Variants in NAALADL2 observed in about 807,000 individuals in gnomAD.
The protein encoded by NAALADL2 is N-acetylated alpha-linked acidic dipeptidase like 2, also known as inactive N-acetylated-alpha-linked acidic dipeptidase-like protein 2.
In NAALADL2, 76 loss-of-function variants were observed where a neutral mutation model predicts 87.2. The observed-to-expected ratio is 0.87, with a 90% CI of 0.72 to 1.05. The LOEUF (loss-of-function observed/expected upper bound fraction) is 1.05. Ranked by LOEUF, NAALADL2 falls within the 50% of genes least tolerant of loss-of-function variation. The pLI is 0.00. For synonymous variants in NAALADL2, 354 were observed against 331.0 expected, an observed-to-expected ratio of 1.07 and a Z score of -0.75; for missense variants, 1,089 against 945.8, an observed-to-expected ratio of 1.15 and a Z score of -1.99.
At chr3:174,982,113 C>T (rs990011662) in intron 1 of NAALADL2, among the ~76,000 whole-genome samples, 18 of 152,190 alleles carry the variant, frequency 1.2e-4, no homozygotes, top group African/African-American at 4.1e-4. Context: ...GTGTCTACAA[C>T]ATACAACCAG....
At chr3:174,894,017 T>C (rs935669063) in intron 1 of NAALADL2, among the ~76,000 whole-genome samples, 3 of 152,126 alleles carry the variant, frequency 2.0e-5, no homozygotes, top group Non-Finnish European at 2.9e-5. Flanking sequence ...AATAAAGATA[T>C]TTCTTGTCAA....
At chr3:175,717,891 C>T (rs1447231393) in intron 11 of NAALADL2, among the ~76,000 whole-genome samples, 3 of 148,214 alleles carry the variant, frequency 2.0e-5, no homozygotes, top group African/African-American at 5.0e-5. Context: ...CCCACCGCAA[C>T]CTTCACCTCC....
intron 1 of NAALADL2, among the ~76,000 whole-genome samples, chr3:174,950,092 A>G (rs1740094385): frequency 6.6e-6 from 1 of 152,162 alleles, no homozygotes; most frequent in African/African-American, 2.4e-5. Flanking sequence ...AAAACAATCA[A>G]TGACAACAAA....
rs71162402 is a variant in NAALADL2, at chr3:174,667,545, G to GTTTTTTTTTTTT, written c.-114-70090_-114-70079dup. Among the ~76,000 whole-genome samples the GTTTTTTTTTTTT allele has an allele frequency of 5.7e-5, 7 of 123,768 alleles. 1 individual carries two copies. The highest frequency in any genetic ancestry group is 2.6e-4 in the South Asian group (1 of 3,874). The allele number at this position is 123,768 out of a possible 152,430, so 81.2% of individuals were successfully genotyped here. ...CTGAAAACTCTCCAGATGGGAGAGAGTTTTTTTTTTTTTTTTTATAGCAAG... is the reference window on the plus strand; with the variant it reads ...CTGAAAACTCTCCAGATGGGAGAGAGTTTTTTTTTTTTTTTTTTTTTTTTTTTTTATAGCAAG... On this transcript the variant is annotated intron_variant, in intron 2 of 3. Coordinates refer to the NAALADL2 transcript ENST00000434257.
intron 1 of NAALADL2, among the ~76,000 whole-genome samples, chr3:174,963,763 T>G (rs959386907): frequency 6.6e-6 from 1 of 152,132 alleles, no homozygotes; most frequent in African/African-American, 2.4e-5. Flanking sequence ...TAAAATCATG[T>G]TTAGAAAATG....
At chr3:174,707,803 A>T (rs1035034390) in intron 2 of NAALADL2, among the ~76,000 whole-genome samples, 6 of 152,032 alleles carry the variant, frequency 3.9e-5, no homozygotes, top group East Asian at 1.9e-4. Flanking sequence ...ATAAAAAAAA[A>T]TTTTAAAAAA....
chr3:175,351,660 G>A (rs371057799), intron 5 of NAALADL2, among the ~76,000 whole-genome samples: 25 of 152,176 alleles, frequency 1.6e-4, no homozygotes, highest in African/African-American at 6.0e-4. Flanking sequence ...ATTTGCGTAC[G>A]TGTGGCAATC....
At chr3:174,559,285 G>A (rs1043628453) in intron 2 of NAALADL2, among the ~76,000 whole-genome samples, 4 of 152,150 alleles carry the variant, frequency 2.6e-5, no homozygotes, top group African/African-American at 9.7e-5. Flanking sequence ...GGCAAGACAA[G>A]ATGGTGAATC....
intron 5 of NAALADL2, among the ~76,000 whole-genome samples, chr3:175,425,737 T>C (rs1344996750): frequency 6.6e-6 from 1 of 152,194 alleles, no homozygotes; most frequent in Non-Finnish European, 1.5e-5. Flanking sequence ...TTCCACTGTT[T>C]CCTAGATAAT....
At chr3:175,580,690 A>G (rs1719638298) in intron 10 of NAALADL2, among the ~76,000 whole-genome samples, 1 of 152,202 alleles carries the variant, frequency 6.6e-6, no homozygotes. Context: ...TGCCAGTTGT[A>G]AACAAGATGA....
rs545580386 is a variant in NAALADL2, at chr3:175,809,206, C to G, written c.*6003C>G. On this transcript the variant is annotated 3_prime_UTR_variant, in exon 14 of 14. Coordinates refer to ENST00000454872, the MANE Select transcript of NAALADL2 (RefSeq NM_207015.3). ...TACACAAACAAAATATTTTTCTATG[C>G]TATTGCAAATTGTCCGCAGGAAGCA... is the stretch of plus-strand genomic sequence containing the variant. 17 of 151,950 alleles carry G rather than the reference C, an allele frequency of 1.1e-4. No homozygotes were observed. The highest frequency in any genetic ancestry group is 3.9e-4 in the African/African-American group (16 of 41,484). The allele number at this position is 151,950 out of a possible 1,614,324, so 9.4% of individuals were successfully genotyped here.
At chr3:175,092,146 A>AATGTG (rs1720260163) in intron 1 of NAALADL2, among the ~76,000 whole-genome samples, 2 of 151,938 alleles carry the variant, frequency 1.3e-5, no homozygotes, top group South Asian at 4.1e-4. Flanking sequence ...TAACTTCAAA[A>AATGTG]ATGTGGTACT....
At chr3:175,632,832 T>C (rs1727985818) in intron 11 of NAALADL2, among the ~76,000 whole-genome samples, 1 of 152,090 alleles carries the variant, frequency 6.6e-6, no homozygotes, top group Non-Finnish European at 1.5e-5. Context: ...AAGTAGGGTC[T>C]AGAAATGCAC....
chr3:174,885,800 T>G (rs1221075594), intron 1 of NAALADL2, among the ~76,000 whole-genome samples: 2 of 141,370 alleles, frequency 1.4e-5, no homozygotes, highest in Non-Finnish European at 3.0e-5. Flanking sequence ...AGCATAAAAA[T>G]TAAGTATTAA....
chr3:175,388,791 C>T (rs1368609930), intron 5 of NAALADL2, among the ~76,000 whole-genome samples: 1 of 152,080 alleles, frequency 6.6e-6, no homozygotes, highest in Non-Finnish European at 1.5e-5. Context: ...ACTCTGTGTC[C>T]TTCATCCTAG....
In NAALADL2 at chr3:175,809,265, T is replaced by C. The variant is rs1754959489; in HGVS notation, c.*6062T>C. ...GATGGTTAAGTGTAGCTCACATAAT[T>C]ATATTCCAAAGGTGTTATAAACAAT... On this transcript the variant is annotated 3_prime_UTR_variant, in exon 14 of 14. Coordinates refer to ENST00000454872, the MANE Select transcript of NAALADL2 (RefSeq NM_207015.3). 6.6e-6 allele frequency: 1 copy of C among 151,856 alleles called. No homozygotes were observed. The highest frequency in any genetic ancestry group is 2.4e-5 in the African/African-American group (1 of 41,408). 9.4% of individuals were successfully genotyped at this position (151,856 alleles called of 1,614,324 possible).
At chr3:174,840,212 T>C (rs1362266383) in intron 3 of NAALADL2, among the ~76,000 whole-genome samples, 1 of 151,738 alleles carries the variant, frequency 6.6e-6, no homozygotes. Context: ...TGTGTATATA[T>C]ATATAGTCTC....
chr3:175,783,560 G>C (rs1576814171), intron 13 of NAALADL2, among the ~76,000 whole-genome samples: 1 of 150,354 alleles, frequency 6.7e-6, no homozygotes, highest in South Asian at 2.1e-4. Context: ...TTTTTATCCT[G>C]AGACTTTGCT....
intron 2 of NAALADL2, among the ~76,000 whole-genome samples, chr3:175,198,383 A>G (rs890136784): frequency 7.9e-5 from 12 of 152,014 alleles, no homozygotes; most frequent in Non-Finnish European, 1.3e-4. Context: ...CTTTACCTGG[A>G]TGAATGTCTA....
Sources: allele counts gnomAD v4.1 joint callset (sites outside exome capture counted in the v4.1 genomes callset), GRCh38; gene constraint gnomAD v4.1.1; transcripts MANE v1.5; gene names NCBI Gene and HGNC (gene_info 2026-07-23, HGNC 2026-07-21).